The following DENND10 variants were observed in gnomAD, a reference collection of about 807,000 sequenced individuals.
DENND10 encodes the protein DENN domain containing 10.
A neutral mutation model predicts 43.6 loss-of-function variants in DENND10; 24 were observed. The ratio of observed to expected loss-of-function variants is 0.55; its 90% CI spans 0.40 to 0.77. The LOEUF (loss-of-function observed/expected upper bound fraction) is 0.77, where lower values mean the gene tolerates loss of function less well. Ranked by LOEUF, DENND10 falls within the 30% of genes least tolerant of loss-of-function variation. The pLI is 0.00. For missense variants in DENND10, 303 were observed against 429.9 expected (o/e 0.70, Z 2.61); for synonymous variants, 125 against 157.6 (o/e 0.79, Z 1.55).
intron 2 of DENND10, among the ~76,000 whole-genome samples, chr10:119,108,473 C>G (rs1356604803): frequency 6.8e-5 from 8 of 118,280 alleles, no homozygotes; most frequent in South Asian, 3.2e-4. Flanking sequence ...CAGAGCGAGA[C>G]TCCGTCTCAA....
At chr10:119,126,796 C>T (rs1845855666) in intron 6 of DENND10, among the ~76,000 whole-genome samples, 2 of 152,002 alleles carry the variant, frequency 1.3e-5, no homozygotes, top group Non-Finnish European at 2.9e-5. Context: ...CAAAGTCTTG[C>T]TTTATTGCCT....
intron 8 of DENND10, 143 bp from the exon 9 acceptor site, chr10:119,136,328 T>C: frequency 1.1e-6 from 1 of 920,698 alleles, no homozygotes; most frequent in African/African-American, 1.7e-5. Context: ...CCCAAAGTGC[T>C]GGGATTACAG....
At chr10:119,109,328 A>C (rs1403660275) in intron 2 of DENND10, among the ~76,000 whole-genome samples, 1 of 152,144 alleles carries the variant, frequency 6.6e-6, no homozygotes, top group South Asian at 2.1e-4. Flanking sequence ...CATGTGGAAG[A>C]CTAGGATGTA....
chr10:119,109,916 G>GA (rs1844897746), intron 2 of DENND10, among the ~76,000 whole-genome samples: 1 of 151,776 alleles, frequency 6.6e-6, no homozygotes, highest in African/African-American at 2.4e-5. Flanking sequence ...GGGCCCAAGT[G>GA]ATCCTCCCTC....
chr10:119,104,633 C>G (rs1294729069), intron 1 of DENND10: 1 of 151,646 alleles, frequency 6.6e-6, no homozygotes, highest in African/African-American at 2.4e-5. Flanking sequence ...CCGGTTCCCC[C>G]GAGCCGGGGG....
At chr10:119,130,698 C>A (rs1214331189) in intron 7 of DENND10, among the ~76,000 whole-genome samples, 1 of 152,200 alleles carries the variant, frequency 6.6e-6, no homozygotes, top group Non-Finnish European at 1.5e-5. Flanking sequence ...GAGCCACAGT[C>A]ATCTGAAGGC....
At chr10:119,135,926 A>G (rs1033384353) in intron 8 of DENND10, among the ~76,000 whole-genome samples, 2 of 151,872 alleles carry the variant, frequency 1.3e-5, no homozygotes, top group Admixed American at 6.6e-5. Context: ...CTATAATCCC[A>G]GCAGTTTGGG....
chr10:119,110,227 A>G (rs6585533), intron 2 of DENND10, among the ~76,000 whole-genome samples: 151,123 of 151,672 alleles, frequency 1, 75,291 homozygotes, highest in East Asian at 1. Flanking sequence ...GTTGGAGTGC[A>G]GTGGTGTGAT....
At chr10:119,133,577 A>T (rs1846178251) in intron 8 of DENND10, 1 of 152,258 alleles carries the variant, frequency 6.6e-6, no homozygotes, top group Non-Finnish European at 1.5e-5. Flanking sequence ...TGACAAGATA[A>T]TTACAGCCCA....
rs766225365 is a variant in DENND10, at chr10:119,136,674, A to G, written c.*27A>G. 1 of 1,211,512 alleles carries G rather than the reference A, an allele frequency of 8.3e-7. No homozygotes were observed. The highest frequency in any genetic ancestry group is 2.8e-5 in the Admixed American group (1 of 36,292). 75.0% of individuals were successfully genotyped at this position (1,211,512 alleles called of 1,614,324 possible). On this transcript the variant is annotated 3_prime_UTR_variant, in exon 9 of 9. Transcript: ENST00000361432. The stretch of plus-strand genomic sequence containing the variant: ...TGTGTGACAGAACGTATCACTGATG[A>G]CTGATAGAAAGCCCTCTTTCACTCT...
At chr10:119,113,730 T>G (rs765063684) in intron 3 of DENND10, among the ~76,000 whole-genome samples, 1 of 151,716 alleles carries the variant, frequency 6.6e-6, no homozygotes, top group Non-Finnish European at 1.5e-5. Flanking sequence ...TAAGACTATC[T>G]TCTCATTACC....
At chr10:119,119,440 C>A (rs1162779411) in intron 4 of DENND10, among the ~76,000 whole-genome samples, 1 of 152,048 alleles carries the variant, frequency 6.6e-6, no homozygotes, top group African/African-American at 2.4e-5. Context: ...CTGTGCCCAG[C>A]CTAATTTTGT....
rs1589744097 is a variant in DENND10 at position 119,129,383 on chromosome 10, G to A, written c.695-132G>A. Reference sequence around the variant, plus strand: ...TAATGTAGTCTTACTAACTGCCACAGGGTACAGCTAATGTTCCCGAATGAA... The same window carrying A: ...TAATGTAGTCTTACTAACTGCCACAAGGTACAGCTAATGTTCCCGAATGAA... On this transcript the variant is annotated intron_variant, in intron 6 of 8. Coordinates refer to ENST00000361432, the MANE Select transcript of DENND10 (RefSeq NM_207009.4). 1.4e-5 allele frequency: 9 copies of A among 644,392 alleles called. No homozygotes were observed. The East Asian group carries it at 2.2e-4, about 16-fold the overall frequency. 39.9% of individuals were successfully genotyped at this position (644,392 alleles called of 1,614,324 possible). A position where few individuals can be genotyped will look rare whatever the true frequency, so the allele number is the denominator to read the frequency against.
At chr10:119,135,100 G>A (rs1314251767) in intron 8 of DENND10, 1 of 151,566 alleles carries the variant, frequency 6.6e-6, no homozygotes, top group African/African-American at 2.4e-5. Context: ...GGGAGGCGGG[G>A]GTTGCAGCGA....
rs191270761 is a variant in DENND10 at position 119,124,992 on chromosome 10, A to T, written c.694+1423A>T. ...TTTTTGTTTTTGTTTTTTTCTTGGG[A>T]CGGAGTTTTGTTCTTGTTGTCCAGG... On this transcript the variant is annotated intron_variant, in intron 6 of 8. Transcript: ENST00000361432. Among the ~76,000 whole-genome samples, 9 of 151,616 alleles carry T rather than the reference A, an allele frequency of 5.9e-5. No homozygotes were observed. In the East Asian group the frequency reaches 1.7e-3, roughly 29 times the overall value.
chr10:119,131,804 A>C (rs1846098705), intron 7 of DENND10, among the ~76,000 whole-genome samples: 1 of 152,238 alleles, frequency 6.6e-6, no homozygotes, highest in African/African-American at 2.4e-5. Flanking sequence ...GCCTTTTGCA[A>C]AGCGAAAGTG....
intron 2 of DENND10, among the ~76,000 whole-genome samples, chr10:119,109,341 C>T (rs1564779616): frequency 2.0e-5 from 3 of 151,860 alleles, no homozygotes; most frequent in Admixed American, 6.6e-5. Flanking sequence ...AGGATGTAAT[C>T]GTGGACTTTC....
chr10:119,117,828 G>A (rs1172592006), intron 4 of DENND10, among the ~76,000 whole-genome samples, 161 bp downstream of exon 4: 5 of 152,084 alleles, frequency 3.3e-5, no homozygotes, highest in Admixed American at 6.6e-5. Context: ...TTAGCCGGGC[G>A]TGGTGGCACC....
intron 6 of DENND10, among the ~76,000 whole-genome samples, chr10:119,128,156 T>C (rs1414766454): frequency 6.6e-6 from 1 of 151,734 alleles, no homozygotes; most frequent in Non-Finnish European, 1.5e-5. Context: ...TTACTAAACA[T>C]ACAAAACTTA....
Sources: allele counts gnomAD v4.1 joint callset (sites outside exome capture counted in the v4.1 genomes callset), GRCh38; gene constraint gnomAD v4.1.1; transcripts MANE v1.5; gene names NCBI Gene and HGNC (gene_info 2026-07-23, HGNC 2026-07-21).